Variants in TPTE observed in about 807,000 individuals in gnomAD.
TPTE encodes the protein putative tyrosine-protein phosphatase TPTE.
TPTE carries 59 observed loss-of-function variants against 84.1 expected under a neutral mutation model. That is an observed-to-expected ratio of 0.70 (90% CI 0.57 to 0.87). TPTE has a LOEUF of 0.87. TPTE is among the 40% of genes least tolerant of loss of function. The pLI, the probability that TPTE is intolerant of heterozygous loss-of-function variation, is 0.00. For synonymous variants in TPTE, 130 were observed against 223.5 expected, an observed-to-expected ratio of 0.58 and a Z score of 3.73; for missense variants, 382 against 659.6, an observed-to-expected ratio of 0.58 and a Z score of 4.61.
At chr21:10,541,822 T>C (rs1487175530) in intron 5 of TPTE, among the ~76,000 whole-genome samples, 1 of 152,306 alleles carries the variant, frequency 6.6e-6, no homozygotes, top group African/African-American at 2.4e-5. Flanking sequence ...GTAGGAGTAC[T>C]TGGGGAACTG....
At chr21:10,558,995 A>G (rs1405791483) in intron 8 of TPTE, among the ~76,000 whole-genome samples, 1 of 152,310 alleles carries the variant, frequency 6.6e-6, no homozygotes, top group Non-Finnish European at 1.5e-5. Flanking sequence ...GCAACCTCAT[A>G]TGTGACTCAT....
At chr21:10,584,709 ACATCAT>A (rs2075331589) in intron 17 of TPTE, among the ~76,000 whole-genome samples, 1 of 152,310 alleles carries the variant, frequency 6.6e-6, no homozygotes, top group Non-Finnish European at 1.5e-5. Context: ...GTACACGATT[ACATCAT>A]ATGAAAATAA....
chr21:10,534,401 G>A (rs1218763618), intron 3 of TPTE, among the ~76,000 whole-genome samples: 2 of 152,312 alleles, frequency 1.3e-5, no homozygotes, highest in Non-Finnish European at 2.9e-5. Context: ...GAGACAGGCA[G>A]GGATGGTCAC....
intron 17 of TPTE, among the ~76,000 whole-genome samples, chr21:10,582,163 C>T (rs867314882): frequency 6.6e-6 from 1 of 152,412 alleles, no homozygotes; most frequent in South Asian, 2.1e-4. Flanking sequence ...CACATTTCTT[C>T]AAAAATATTC....
rs774818230 is a variant in TPTE at position 10,605,404 on chromosome 21, TTTCTA to T, written c.1521-8_1521-4del. ...CCCCAATATAAAATGTAATAATTTT[TTTCTA>T]TTCTTAGGCTTTATCTACCAAAAAA... is the stretch of plus-strand genomic sequence containing the variant. On this transcript the variant is annotated splice_polypyrimidine_tract_variant and splice_region_variant and intron_variant, in intron 23 of 23. Transcript: ENST00000618007. 1.2e-5 allele frequency: 19 copies of T among 1,612,764 alleles called. No homozygotes were observed. In the African/African-American group the frequency reaches 2.0e-4, roughly 17 times the overall value.
chr21:10,561,637 G>T (rs1401283361), intron 10 of TPTE, among the ~76,000 whole-genome samples: 1 of 152,306 alleles, frequency 6.6e-6, no homozygotes, highest in Non-Finnish European at 1.5e-5. Context: ...GCCATGGATT[G>T]ATGCTCCTCT....
intron 2 of TPTE, among the ~76,000 whole-genome samples, chr21:10,526,409 A>C (rs1254874162): frequency 6.6e-6 from 1 of 152,308 alleles, no homozygotes; most frequent in Non-Finnish European, 1.5e-5. Context: ...TCTTAAAGAC[A>C]TAAAAAGATA....
chr21:10,563,564 T>TATTATAAG, intron 10 of TPTE, among the ~76,000 whole-genome samples: 1 of 152,076 alleles, frequency 6.6e-6, no homozygotes, highest in South Asian at 2.1e-4. Flanking sequence ...TATGAAAACT[T>TATTATAAG]ATTATAAGAT....
At chr21:10,550,269 C>T (rs1223087874) in intron 7 of TPTE, among the ~76,000 whole-genome samples, 2 of 152,306 alleles carry the variant, frequency 1.3e-5, no homozygotes, top group Non-Finnish European at 2.9e-5. Flanking sequence ...GATTAAATAC[C>T]CCATGAAGGA....
At position 10,605,709 on chromosome 21, in the gene TPTE, A is replaced by T; in HGVS notation, c.*157A>T. The T allele has an allele frequency of 1.5e-6, 2 of 1,320,536 alleles. No individual in the cohort carries two copies. Among genetic ancestry groups the T allele is most frequent in the Non-Finnish European group, 2.0e-6 (2 of 999,440 alleles). The allele number at this position is 1,320,536 out of a possible 1,614,324, so 81.8% of individuals were successfully genotyped here. A position where few individuals can be genotyped will look rare whatever the true frequency, so the allele number is the denominator to read the frequency against. Reference sequence around the variant, plus strand: ...CTTCATAAATCTATTACATATATATAGATAAAATGTCAGTGTCTTTCTTCT... The same window carrying T: ...CTTCATAAATCTATTACATATATATTGATAAAATGTCAGTGTCTTTCTTCT... On this transcript the variant is annotated 3_prime_UTR_variant, in exon 24 of 24. Transcript: ENST00000618007.
intron 14 of TPTE, chr21:10,576,326 C>A: frequency 4.2e-6 from 1 of 237,644 alleles, no homozygotes; most frequent in South Asian, 5.4e-5. Context: ...AATTTTTGTT[C>A]AGAAGTGTGC....
chr21:10,589,583 C>T (rs2075427807), intron 17 of TPTE, among the ~76,000 whole-genome samples: 1 of 152,302 alleles, frequency 6.6e-6, no homozygotes, highest in African/African-American at 2.4e-5. Context: ...GCAGCGTTTC[C>T]CTGTGTCTTT....
At chr21:10,533,735 G>A (rs1243597481) in intron 3 of TPTE, among the ~76,000 whole-genome samples, 1 of 152,310 alleles carries the variant, frequency 6.6e-6, no homozygotes, top group Non-Finnish European at 1.5e-5. Flanking sequence ...GTGCCCCAGG[G>A]TAGAGAGTCT....
At chr21:10,596,716 C>T (rs1443569541) in intron 20 of TPTE, among the ~76,000 whole-genome samples, 1 of 152,264 alleles carries the variant, frequency 6.6e-6, no homozygotes, top group Non-Finnish European at 1.5e-5. Context: ...AAGCAAACCT[C>T]TTCTAGCAGC....
At chr21:10,524,327 A>C (rs775796028) in intron 1 of TPTE, among the ~76,000 whole-genome samples, 1,094 of 152,036 alleles carry the variant, frequency 7.2e-3, no homozygotes, top group Non-Finnish European at 0.012. Flanking sequence ...AGCTGGGGGG[A>C]CCACTAATTG....
intron 11 of TPTE, among the ~76,000 whole-genome samples, chr21:10,568,597 G>T (rs2074974198): frequency 6.6e-6 from 1 of 152,310 alleles, no homozygotes; most frequent in Non-Finnish European, 1.5e-5. Flanking sequence ...CTGGACTACA[G>T]CTCAGGCCCC....
intron 8 of TPTE, among the ~76,000 whole-genome samples, chr21:10,556,495 A>G (rs866965179): frequency 2.3e-4 from 35 of 152,412 alleles, no homozygotes; most frequent in Middle Eastern, 3.4e-3. Context: ...TAGTGCCGCA[A>G]TAAACATACG....
At chr21:10,589,547 C>T (rs1475058711) in intron 17 of TPTE, among the ~76,000 whole-genome samples, 1 of 152,312 alleles carries the variant, frequency 6.6e-6, no homozygotes, top group Non-Finnish European at 1.5e-5. Context: ...TTGTCCTGCT[C>T]CCAGTCCAGG....
chr21:10,538,690 A>G lies in TPTE; in HGVS notation c.-34A>G. The G allele has an allele frequency of 6.2e-7, 1 of 1,614,076 alleles. No homozygotes were observed. Among genetic ancestry groups the G allele is most frequent in the East Asian group, 2.2e-5 (1 of 44,894 alleles). On this transcript the variant is annotated 5_prime_UTR_variant, in exon 4 of 24. Transcript: ENST00000618007. The stretch of plus-strand genomic sequence containing the variant: ...TTTTGACATCCTCTAGTCCACCCAC[A>G]AATGAATTATCAGGAGTGAACCCAG...
Sources: gnomAD v4.1 joint callset for allele counts (sites outside exome capture counted in the v4.1 genomes callset) on GRCh38, gnomAD v4.1.1 for gene constraint, MANE v1.5 for transcripts, NCBI Gene and HGNC (gene_info 2026-07-23, HGNC 2026-07-21) for gene names.